SH3BGRL2: variants seen among roughly 807,000 people sequenced by gnomAD.
SH3BGRL2 encodes SH3 domain binding glutamate rich protein like 2, also known as SH3 domain-binding glutamic acid-rich-like protein 2.
In SH3BGRL2, 21 loss-of-function variants were observed where a neutral mutation model predicts 14.8. The ratio of observed to expected loss-of-function variants is 1.42; its 90% CI spans 1.01 to 2.05. The LOEUF is 2.05. Ranked by LOEUF, SH3BGRL2 falls within the 30% of genes most tolerant of loss-of-function variation. SH3BGRL2 has a pLI of 0.00. For missense variants in SH3BGRL2, 147 were observed against 130.8 expected (o/e 1.12, Z -0.61); for synonymous variants, 50 against 47.8 (o/e 1.05, Z -0.19).
intron 1 of SH3BGRL2, among the ~76,000 whole-genome samples, chr6:79,635,234 G>A (rs1353645880): frequency 6.6e-6 from 1 of 152,140 alleles, no homozygotes; most frequent in African/African-American, 2.4e-5. Context: ...AAAGTTCCTG[G>A]GCTCTGTTAG....
At chr6:79,588,874 C>G in the SH3BGRL2 span, among the ~76,000 whole-genome samples, 2 of 152,020 alleles carry the variant, frequency 1.3e-5, no homozygotes, top group African/African-American at 4.8e-5. Context: ...AGTCATATAG[C>G]CATTGTGCCC....
At chr6:79,576,136 A>G in the SH3BGRL2 span, among the ~76,000 whole-genome samples, 5 of 152,052 alleles carry the variant, frequency 3.3e-5, no homozygotes, top group East Asian at 5.8e-4. Flanking sequence ...CATACAAGCT[A>G]TTTTTGTCCT....
rs200447540 is a variant in SH3BGRL2, at chr6:79,699,550, C to A, written c.*41C>A. The A allele has an allele frequency of 2.8e-5, 44 of 1,548,512 alleles. No homozygotes were observed. The African/African-American group carries it at 5.8e-4, about 20-fold the overall frequency. On this transcript the variant is annotated 3_prime_UTR_variant, in exon 4 of 4. Transcript: ENST00000369838. ...GATGACGGAGATGCATTTTGAAGCA[C>A]CCCTGGTACTCAGCACACACATGCT...
the SH3BGRL2 span, among the ~76,000 whole-genome samples, chr6:79,597,317 G>A: frequency 6.2e-5 from 9 of 144,712 alleles, no homozygotes; most frequent in African/African-American, 1.0e-4. Context: ...AAGAAAGAAA[G>A]AGAAAAGAAA....
the SH3BGRL2 span, among the ~76,000 whole-genome samples, chr6:79,562,686 A>G: frequency 6.6e-6 from 1 of 152,216 alleles, no homozygotes; most frequent in Non-Finnish European, 1.5e-5. Context: ...AGGCCTTTTC[A>G]TACTGTCTGT....
chr6:79,613,697 C>T, the SH3BGRL2 span, among the ~76,000 whole-genome samples: 49 of 152,182 alleles, frequency 3.2e-4, no homozygotes, highest in Admixed American at 1.4e-3. Context: ...CCTCCATCTC[C>T]TGTGTCAAAG....
the SH3BGRL2 span, among the ~76,000 whole-genome samples, chr6:79,589,727 T>TA: frequency 1.1e-4 from 16 of 152,044 alleles, no homozygotes; most frequent in African/African-American, 3.6e-4. Context: ...AAGAGTGGAA[T>TA]AAAAAAAACT....
intron 2 of SH3BGRL2, 50 bp downstream of exon 2, chr6:79,673,849 C>T (rs1307336819): frequency 9.0e-6 from 14 of 1,563,938 alleles, no homozygotes; most frequent in Non-Finnish European, 1.2e-5. Context: ...GTTCAGAACA[C>T]ATGCCACCTA....
chr6:79,680,809 A>T lies in SH3BGRL2; in HGVS notation c.231+7010A>T, dbSNP rs187817017. Among the ~76,000 whole-genome samples the T allele has an allele frequency of 9.4e-4, 143 of 151,904 alleles. 1 individual carries two copies. In the East Asian group the frequency reaches 0.024, roughly 25 times the overall value. On this transcript the variant is annotated intron_variant, in intron 2 of 3. Transcript: ENST00000369838. The stretch of plus-strand genomic sequence containing the variant: ...ACTTGGTTAGGTTTATTCCTACTTT[A>T]TTATTTTTGATGCTGTTGTAAATAA...
chr6:79,588,092 G>GTCTCA, the SH3BGRL2 span, among the ~76,000 whole-genome samples: 1 of 152,116 alleles, frequency 6.6e-6, no homozygotes, highest in Non-Finnish European at 1.5e-5. Flanking sequence ...AGGAGATTGA[G>GTCTCA]ACCATTCTGG....
intron 1 of SH3BGRL2, among the ~76,000 whole-genome samples, chr6:79,657,652 T>C (rs1769450161): frequency 6.6e-6 from 1 of 152,050 alleles, no homozygotes; most frequent in Non-Finnish European, 1.5e-5. Context: ...GTTTCGCTCT[T>C]GTTGCCCAGG....
chr6:79,595,962 G>C, the SH3BGRL2 span, among the ~76,000 whole-genome samples: 2 of 152,160 alleles, frequency 1.3e-5, no homozygotes, highest in South Asian at 4.1e-4. Flanking sequence ...CTAATAATAA[G>C]TGAGTTCAGC....
intron 2 of SH3BGRL2, among the ~76,000 whole-genome samples, chr6:79,686,423 A>G (rs1052570246): frequency 6.6e-6 from 1 of 151,908 alleles, no homozygotes; most frequent in African/African-American, 2.4e-5. Context: ...TGACTTATCT[A>G]GTAATTTCCA....
chr6:79,662,568 C>A (rs1432112809), intron 1 of SH3BGRL2, among the ~76,000 whole-genome samples: 1 of 152,068 alleles, frequency 6.6e-6, no homozygotes, highest in Admixed American at 6.5e-5. Flanking sequence ...TCTCTCTGGC[C>A]GCCCTTAACA....
chr6:79,581,893 C>T, the SH3BGRL2 span, among the ~76,000 whole-genome samples: 2 of 152,166 alleles, frequency 1.3e-5, no homozygotes, highest in East Asian at 3.9e-4. Flanking sequence ...ACCCCATCGT[C>T]TCAGTCCAAA....
intron 2 of SH3BGRL2, among the ~76,000 whole-genome samples, chr6:79,676,179 A>G (rs1769878860): frequency 6.6e-6 from 1 of 152,060 alleles, no homozygotes; most frequent in African/African-American, 2.4e-5. Flanking sequence ...AGGGAAATGG[A>G]AGGTCTCACT....
chr6:79,673,588 CTTAT>C, intron 1 of SH3BGRL2, 22 bp from the exon 2 acceptor site: 1 of 1,609,144 alleles, frequency 6.2e-7, no homozygotes, highest in Non-Finnish European at 8.5e-7. Context: ...AGCGTATCTA[CTTAT>C]TTGTTTGTCT....
At chr6:79,539,060 A>C in the SH3BGRL2 span, among the ~76,000 whole-genome samples, 2 of 152,222 alleles carry the variant, frequency 1.3e-5, no homozygotes, top group African/African-American at 4.8e-5. Context: ...GGAGAATCCA[A>C]AAAATTGTCT....
At chr6:79,607,776 C>T in the SH3BGRL2 span, among the ~76,000 whole-genome samples, 4 of 152,100 alleles carry the variant, frequency 2.6e-5, no homozygotes, top group African/African-American at 9.7e-5. Flanking sequence ...GAAACCCCGC[C>T]TCTACTAAAA....
Sources: gnomAD v4.1 joint callset for allele counts (sites outside exome capture counted in the v4.1 genomes callset) on GRCh38, gnomAD v4.1.1 for gene constraint, MANE v1.5 for transcripts, NCBI Gene and HGNC (gene_info 2026-07-23, HGNC 2026-07-21) for gene names.